The following ITGA6 variants were observed in gnomAD, a reference collection of about 807,000 sequenced individuals.
ITGA6 encodes integrin alpha-6.
Under a neutral mutation model 133.6 loss-of-function variants are expected in ITGA6, and 63 were observed. That is an observed-to-expected ratio of 0.47 (90% confidence interval 0.38 to 0.58). The LOEUF is 0.58. Among genes scored for constraint, ITGA6 ranks in the 20% least tolerant of loss-of-function variants. The pLI is 0.00. For synonymous variants in ITGA6, 434 were observed against 482.0 expected (o/e 0.90, Z 1.30); for missense variants, 1,068 against 1,309.4 (o/e 0.82, Z 2.85).
At position 172,501,908 on chromosome 2, in the gene ITGA6, G is replaced by T; in HGVS notation, c.*22+7G>T. On this transcript the variant is annotated splice_region_variant and intron_variant, in intron 25 of 25. Coordinates refer to ENST00000684293, the MANE Select transcript of ITGA6 (RefSeq NM_000210.4). ...TGATCTACTTCTGTAATTGGTAATT[G>T]ATCAATGTTTTTTAATTGCTAGCTG... 6.2e-7 allele frequency: 1 copy of T among 1,609,292 alleles called. No homozygotes were observed. Among genetic ancestry groups the T allele is most frequent in the South Asian group, 1.1e-5 (1 of 90,616 alleles).
chr2:172,438,094 G>C lies in ITGA6; in HGVS notation c.182+10124G>C, dbSNP rs184566080. Among the ~76,000 whole-genome samples, 29 of 151,842 alleles carry C rather than the reference G, an allele frequency of 1.9e-4. No individual in the cohort carries two copies. The East Asian group carries it at 5.0e-3, about 26-fold the overall frequency. ...AGGGGTTTTGCTGTAGAGGGGAGCA[G>C]AGCCATGGCAACAACTGTAAGGGGA... is the stretch of plus-strand genomic sequence containing the variant. On this transcript the variant is annotated intron_variant, in intron 1 of 25. Transcript: ENST00000684293.
chr2:172,462,733 C>G (rs773767302), intron 1 of ITGA6, among the ~76,000 whole-genome samples: 1 of 152,146 alleles, frequency 6.6e-6, no homozygotes, highest in African/African-American at 2.4e-5. Context: ...AATGGGACAA[C>G]CTCCACAGCT....
At chr2:172,486,986 A>G in intron 13 of ITGA6, 37 bp from the exon 14 acceptor site, 1 of 1,142,976 alleles carries the variant, frequency 8.7e-7, no homozygotes, top group Non-Finnish European at 1.3e-6. Flanking sequence ...TGAGTCCTGA[A>G]TGGTGTAAAT....
chr2:172,482,610 TACTTTTGCTGTGAGGGGC>T (rs58936375), intron 11 of ITGA6, among the ~76,000 whole-genome samples: 36,305 of 151,848 alleles, frequency 0.24, 5,032 homozygotes, highest in African/African-American at 0.37. Context: ...ACACCTCCCA[TACTTTTGCTGTGAGGGGC>T]ACTTTTGCTG....
intron 1 of ITGA6, among the ~76,000 whole-genome samples, chr2:172,454,458 C>T (rs1396466468): frequency 6.6e-6 from 1 of 151,936 alleles, no homozygotes; most frequent in Non-Finnish European, 1.5e-5. Context: ...TGAAAGAAGC[C>T]CACTGCAGTT....
At chr2:172,459,980 AAAAG>A in intron 1 of ITGA6, among the ~76,000 whole-genome samples, 1 of 152,346 alleles carries the variant, frequency 6.6e-6, no homozygotes, top group African/African-American at 2.4e-5. Context: ...AATAGAAGAA[AAAAG>A]AAAGGCAATG....
chr2:172,486,551 A>G (rs1316482137), intron 13 of ITGA6, among the ~76,000 whole-genome samples: 1 of 152,198 alleles, frequency 6.6e-6, no homozygotes, highest in African/African-American at 2.4e-5. Flanking sequence ...TCATAATAAT[A>G]GTATCTTTTT....
chr2:172,468,024 G>A (rs1685758859), intron 3 of ITGA6, among the ~76,000 whole-genome samples: 2 of 152,098 alleles, frequency 1.3e-5, no homozygotes, highest in Non-Finnish European at 2.9e-5. Context: ...ATACTTAGAA[G>A]CAATCACACA....
intron 5 of ITGA6, among the ~76,000 whole-genome samples, chr2:172,471,989 A>G (rs1685961115): frequency 6.6e-6 from 1 of 152,214 alleles, no homozygotes; most frequent in East Asian, 1.9e-4. Context: ...GTATAGATAC[A>G]TGAATAATTT....
chr2:172,451,781 C>T (rs1279196602), intron 1 of ITGA6, among the ~76,000 whole-genome samples: 5 of 152,066 alleles, frequency 3.3e-5, no homozygotes, highest in African/African-American at 9.7e-5. Flanking sequence ...ATCCATCTAC[C>T]TTGCTGTCGT....
chr2:172,491,229 C>A lies in ITGA6; in HGVS notation c.2787C>A (p.Ser929Arg). ...AERKYQTLNC[S>R]VNVNCVNIRC... ...CTTCTTTTTCTCTCTAGAACTGTAGCGTGAACGTGAACTGTGTGAACATCA... is the reference window on the plus strand; with the variant it reads ...CTTCTTTTTCTCTCTAGAACTGTAGAGTGAACGTGAACTGTGTGAACATCA... The change falls in exon 22 of 26, where the codon AGC (serine) becomes AGA (arginine). Residue 929 changes from serine (S) to arginine (R), a missense_variant. This residue lies in a region of ITGA6 where 609 missense variants were observed against 707.2 expected (regional missense o/e 0.86). Coordinates refer to ENST00000684293, the MANE Select transcript of ITGA6 (RefSeq NM_000210.4). This position sits in a 1 kb window ranked among gnomAD's most constrained non-coding sequence, Gnocchi z 4.4. 6.2e-7 allele frequency: 1 copy of A among 1,602,994 alleles called. No homozygotes were observed. Among genetic ancestry groups the A allele is most frequent in the Non-Finnish European group, 8.5e-7 (1 of 1,169,952 alleles).
chr2:172,429,764 C>T (rs1471509142), intron 1 of ITGA6, among the ~76,000 whole-genome samples: 3 of 152,112 alleles, frequency 2.0e-5, no homozygotes, highest in Admixed American at 6.5e-5. Context: ...GGAGAGGCCC[C>T]GTATAAGGAG....
At chr2:172,441,157 G>A (rs3762619) in intron 1 of ITGA6, among the ~76,000 whole-genome samples, 12,523 of 152,122 alleles carry the variant, frequency 0.082, 1,359 homozygotes, top group East Asian at 0.52. Context: ...ATCCTGTTGA[G>A]TTTAATAGGC....
At chr2:172,496,640 G>A (rs1267946409) in intron 23 of ITGA6, among the ~76,000 whole-genome samples, 1 of 145,578 alleles carries the variant, frequency 6.9e-6, no homozygotes, top group African/African-American at 2.8e-5. Context: ...TGCTCCCCCT[G>A]AGTTTTGTTT....
chr2:172,477,147 TCTTA>T (rs966486151), intron 9 of ITGA6, among the ~76,000 whole-genome samples: 20 of 152,336 alleles, frequency 1.3e-4, no homozygotes, highest in African/African-American at 4.6e-4. Flanking sequence ...TGGAAAACAT[TCTTA>T]CTTTTGTTTA....
At chr2:172,465,399 T>A in intron 1 of ITGA6, 140 bp from the exon 2 acceptor site, 1 of 1,005,794 alleles carries the variant, frequency 9.9e-7, no homozygotes, top group Non-Finnish European at 1.5e-6. Context: ...CTACATTTGT[T>A]CTCACTCACT....
At position 172,497,975 on chromosome 2, in the gene ITGA6, G is replaced by A. The variant is rs773801576; in HGVS notation, c.2989G>A (p.Val997Ile). The change falls in exon 24 of 26, where the codon GTT becomes ATT. Residue 997 changes from valine to isoleucine, a missense_variant and splice_region_variant. By Grantham distance (29) the Val-to-Ile change is conservative. Transcript: ENST00000684293. The part of the protein sequence containing the change: ...NIRLPNAGTQ[V>I]RVTVFPSKTV... The stretch of plus-strand genomic sequence containing the variant: ...TGCTGCTTTCTTTTCTGCCCTGTAG[G>A]TTCGAGTGACTGTGTTTCCCTCAAA... 1 of 1,613,892 alleles carries A rather than the reference G, an allele frequency of 6.2e-7. No individual in the cohort carries two copies. The highest frequency in any genetic ancestry group is 1.7e-5 in the Admixed American group (1 of 60,012).
chr2:172,499,316 C>T (rs115998737), intron 24 of ITGA6, among the ~76,000 whole-genome samples: 1 of 152,020 alleles, frequency 6.6e-6, no homozygotes, highest in Non-Finnish European at 1.5e-5. Flanking sequence ...TCCTCTGGCA[C>T]ACACAGCCAG....
intron 25 of ITGA6, among the ~76,000 whole-genome samples, chr2:172,502,318 G>C (rs1456867007): frequency 1.3e-5 from 2 of 152,164 alleles, no homozygotes; most frequent in African/African-American, 4.8e-5. Context: ...TCCACAGATA[G>C]AAGCTGTGTC....
Sources: allele counts gnomAD v4.1 joint callset (sites outside exome capture counted in the v4.1 genomes callset), GRCh38; gene constraint gnomAD v4.1.1; regional missense constraint gnomAD v4.1.1; non-coding constraint Gnocchi (gnomAD v3.1); transcripts MANE v1.5; gene names NCBI Gene and HGNC (gene_info 2026-07-23, HGNC 2026-07-21).